Variants in IQSEC3 observed in about 807,000 individuals in gnomAD.
The protein encoded by IQSEC3 is IQ motif and Sec7 domain ArfGEF 3, also known as IQ motif and SEC7 domain-containing protein 3.
Under a neutral mutation model 105.4 loss-of-function variants are expected in IQSEC3, and 50 were observed. That is an observed-to-expected ratio of 0.47 (90% CI 0.38 to 0.60). The LOEUF is 0.60. IQSEC3 is among the 20% of genes least tolerant of loss of function. The pLI, the probability that IQSEC3 is intolerant of heterozygous loss-of-function variation, is 0.00. For synonymous variants in IQSEC3, 708 were observed against 746.0 expected, an observed-to-expected ratio of 0.95 and a Z score of 0.83; for missense variants, 1,415 against 1,630.0, an observed-to-expected ratio of 0.87 and a Z score of 2.27.
Position 147,362 on chromosome 12 carries a change from G to A in IQSEC3, c.2153+6077G>A, listed in dbSNP as rs782144141. Among the ~76,000 whole-genome samples, 9 of 152,152 alleles carry A rather than the reference G, an allele frequency of 5.9e-5. No individual in the cohort carries two copies. The East Asian group carries it at 1.2e-3, about 20-fold the overall frequency. ...CTGAGAGGCTTACATGCAAAACCTCGTTCCATCTTCACAGCGACTCCGGGA... is the reference window on the plus strand; with the variant it reads ...CTGAGAGGCTTACATGCAAAACCTCATTCCATCTTCACAGCGACTCCGGGA... On this transcript the variant is annotated intron_variant, in intron 5 of 13. Coordinates refer to ENST00000538872, the MANE Select transcript of IQSEC3 (RefSeq NM_001170738.2).
chr12:94,465 G>A (rs1364113818), intron 1 of IQSEC3, among the ~76,000 whole-genome samples: 1 of 152,230 alleles, frequency 6.6e-6, no homozygotes, highest in Non-Finnish European at 1.5e-5. Context: ...CCTGAAAGAA[G>A]ACAAGAAGGG....
Position 138,335 on chromosome 12 carries a change from C to T in IQSEC3, c.972C>T (p.Thr324=), listed in dbSNP as rs782326972. The T allele has an allele frequency of 8.7e-6, 14 of 1,613,876 alleles. No homozygotes were observed. The highest frequency in any genetic ancestry group is 3.3e-5 in the South Asian group (3 of 91,084). ...GGCGCGCCGCTTGCACCATCCAAAC[C>T]GCCTTCCGCCAATACCAGCTCAGCA... ...VSRRAACTIQ[T]AFRQYQLSKN... is the part of the protein sequence containing the mutation. The change falls in exon 4 of 14, where the codon ACC becomes ACT. Residue 324 remains threonine, a synonymous_variant. Coordinates refer to ENST00000538872, the MANE Select transcript of IQSEC3 (RefSeq NM_001170738.2). The surrounding 1 kb of genome is among the most constrained non-coding windows in gnomAD (Gnocchi z 7.1).
At chr12:129,368 A>G (rs1481336028) in intron 3 of IQSEC3, among the ~76,000 whole-genome samples, 1 of 152,188 alleles carries the variant, frequency 6.6e-6, no homozygotes, top group Non-Finnish European at 1.5e-5. Flanking sequence ...GAAGGAACAT[A>G]GGAATGAAGG....
In IQSEC3 at chr12:120,796, C is replaced by G. The variant is rs116369765; in HGVS notation, c.624-4837C>G. ...TGGAATGACTGTTGATGCACTGGGC[C>G]CTGTGTGTATCAGCCTAATGTCATG... On this transcript the variant is annotated intron_variant, in intron 2 of 13. Coordinates refer to ENST00000538872, the MANE Select transcript of IQSEC3 (RefSeq NM_001170738.2). 3.4e-3 allele frequency among the ~76,000 whole-genome samples: 519 copies of G among 152,242 alleles called. 4 individuals carry two copies. Among genetic ancestry groups the G allele is most frequent in the African/African-American group, 0.012 (492 of 41,536 alleles).
intron 1 of IQSEC3, among the ~76,000 whole-genome samples, chr12:84,112 G>T (rs995505290): frequency 6.6e-6 from 1 of 152,218 alleles, no homozygotes; most frequent in South Asian, 2.1e-4. Context: ...TGTGGGAAGT[G>T]CTTCCCCCAG....
At chr12:102,830 C>T (rs1864473177) in intron 2 of IQSEC3, among the ~76,000 whole-genome samples, 1 of 152,174 alleles carries the variant, frequency 6.6e-6, no homozygotes, top group Non-Finnish European at 1.5e-5. Context: ...ATCTGGAGTA[C>T]AGTGGAGCAG....
intron 2 of IQSEC3, among the ~76,000 whole-genome samples, chr12:115,593 A>G (rs1865024702): frequency 6.6e-6 from 1 of 152,218 alleles, no homozygotes; most frequent in African/African-American, 2.4e-5. Context: ...AGCCACAGTT[A>G]CCAAGCATCA....
intron 5 of IQSEC3, among the ~76,000 whole-genome samples, chr12:151,973 G>C (rs551144072): frequency 6.6e-6 from 1 of 151,968 alleles, no homozygotes; most frequent in East Asian, 1.9e-4. Context: ...TCCTGGAACC[G>C]TCGTTTCCCT....
At chr12:91,142 C>T (rs1206950012) in intron 1 of IQSEC3, among the ~76,000 whole-genome samples, 5 of 152,124 alleles carry the variant, frequency 3.3e-5, no homozygotes, top group African/African-American at 4.8e-5. Flanking sequence ...TTCAGAGTTG[C>T]CCCCTGGGAC....
At chr12:149,820 G>T (rs1441956519) in intron 5 of IQSEC3, among the ~76,000 whole-genome samples, 2 of 152,196 alleles carry the variant, frequency 1.3e-5, no homozygotes, top group Non-Finnish European at 2.9e-5. Context: ...GCACCAAAGT[G>T]GGGGCGTGAG....
intron 2 of IQSEC3, among the ~76,000 whole-genome samples, chr12:102,149 ATCAGTCTGGCTCCTCCCCG>A (rs1555076346): frequency 6.4e-5 from 2 of 31,356 alleles, no homozygotes; most frequent in African/African-American, 1.3e-4. Context: ...CTCCTCCCCC[ATCAGTCTGGCTCCTCCCCG>A]TCAGTCTGGC....
chr12:173,594 C>T (rs1329034281), intron 13 of IQSEC3, among the ~76,000 whole-genome samples: 1 of 152,164 alleles, frequency 6.6e-6, no homozygotes, highest in Admixed American at 6.5e-5. Flanking sequence ...TGGTGCTGCC[C>T]GAGGACAGAT....
intron 1 of IQSEC3, among the ~76,000 whole-genome samples, chr12:84,739 G>A (rs186946673): frequency 2.0e-5 from 3 of 152,274 alleles, no homozygotes; most frequent in East Asian, 1.9e-4. Flanking sequence ...TGTTTTTGTG[G>A]GCATGTGATT....
intron 5 of IQSEC3, among the ~76,000 whole-genome samples, chr12:153,791 G>A (rs1195898723): frequency 1.3e-5 from 2 of 152,152 alleles, no homozygotes; most frequent in African/African-American, 4.8e-5. Context: ...CGGCTGCCTG[G>A]TGGCCTGTGA....
chr12:165,406 G>T (rs11061700), intron 9 of IQSEC3, 28 bp from the exon 10 acceptor site: 30 of 1,568,244 alleles, frequency 1.9e-5, no homozygotes, highest in African/African-American at 6.8e-5. Context: ...TGTTCATCAG[G>T]GCATGCCTGT....
At chr12:93,412 C>T (rs1555074012) in intron 1 of IQSEC3, among the ~76,000 whole-genome samples, 7 of 152,198 alleles carry the variant, frequency 4.6e-5, no homozygotes, top group Non-Finnish European at 1.5e-5. Flanking sequence ...GATCCCGTCC[C>T]TTCCTGTCCC....
Position 125,817 on chromosome 12 carries a change from C to G in IQSEC3, c.808C>G (p.Pro270Ala). The G allele has an allele frequency of 6.5e-7, 1 of 1,528,566 alleles. No individual in the cohort carries two copies. The highest frequency in any genetic ancestry group is 8.7e-7 in the Non-Finnish European group (1 of 1,144,074). 94.7% of individuals were successfully genotyped at this position (1,528,566 alleles called of 1,614,324 possible). ...PRAGPQHKAS[P>A]GRQQPALATA... ...GGCTGGCCCCCAGCACAAGGCCTCC[C>G]CCGGCCGGCAGCAGCCTGCCCTGGC... Residue 270 changes from proline (P) to alanine (A), a missense_variant, in exon 3 of 14, where the codon CCC becomes GCC. By Grantham distance (27) the Pro-to-Ala change is conservative. Around this residue, in one of 6 missense-constraint regions of IQSEC3, gnomAD observed 720 missense variants for 633.0 expected, o/e 1.14. Coordinates refer to ENST00000538872, the MANE Select transcript of IQSEC3 (RefSeq NM_001170738.2).
At chr12:129,665 T>A (rs1442644794) in intron 3 of IQSEC3, among the ~76,000 whole-genome samples, 1 of 152,154 alleles carries the variant, frequency 6.6e-6, no homozygotes, top group East Asian at 1.9e-4. Flanking sequence ...GTTTGTGTCC[T>A]GTTGCAGAGC....
chr12:125,093 T>C (rs1329131722), intron 2 of IQSEC3, among the ~76,000 whole-genome samples: 1 of 152,100 alleles, frequency 6.6e-6, no homozygotes, highest in East Asian at 1.9e-4. Context: ...TGAGCTGGCT[T>C]AGTGTAGATC....
Sources: allele counts gnomAD v4.1 joint callset (sites outside exome capture counted in the v4.1 genomes callset), GRCh38; gene constraint gnomAD v4.1.1; regional missense constraint gnomAD v4.1.1; non-coding constraint Gnocchi (gnomAD v3.1); transcripts MANE v1.5; gene names NCBI Gene and HGNC (gene_info 2026-07-23, HGNC 2026-07-21).